Variants in PACS2 observed in about 807,000 individuals in gnomAD.
PACS2 encodes phosphofurin acidic cluster sorting protein 2.
PACS2 carries 36 observed loss-of-function variants against 113.0 expected under a neutral mutation model. The ratio of observed to expected loss-of-function variants is 0.32; its 90% CI spans 0.24 to 0.42. PACS2 has a LOEUF of 0.42. PACS2 is among the 10% of genes least tolerant of loss of function. The probability of loss-of-function intolerance (pLI) is 1.00; values close to 1 mark genes in which losing one functional copy is unlikely to be tolerated. For synonymous variants in PACS2, 589 were observed against 536.1 expected, an observed-to-expected ratio of 1.10 and a Z score of -1.36; for missense variants, 1,015 against 1,239.5, an observed-to-expected ratio of 0.82 and a Z score of 2.72.
Position 105,328,959 on chromosome 14 carries a change from C to T in PACS2, c.119+13922C>T, listed in dbSNP as rs145253660. ...CAATTGTAATTCGGAGCTGCACAGT[C>T]GGAAAATTTGTAGCAACAGAGAATT... is the stretch of plus-strand genomic sequence containing the variant. On this transcript the variant is annotated intron_variant, in intron 1 of 24. Transcript: ENST00000447393. 2.4e-3 allele frequency among the ~76,000 whole-genome samples: 359 copies of T among 152,264 alleles called. 2 individuals carry two copies. The highest frequency in any genetic ancestry group is 8.3e-3 in the African/African-American group (343 of 41,548).
chr14:105,326,758 T>G (rs1441716080), intron 1 of PACS2, among the ~76,000 whole-genome samples: 1 of 152,196 alleles, frequency 6.6e-6, no homozygotes, highest in Non-Finnish European at 1.5e-5. Flanking sequence ...TGGGCTCTCC[T>G]GGCCTGAGCG....
At position 105,382,035 on chromosome 14, in the gene PACS2, AGCCAGC is replaced by A; in HGVS notation, c.1391_1396del (p.Ser464_Leu466delinsIle). The A allele has an allele frequency of 6.5e-7, 1 of 1,548,884 alleles. No individual in the cohort carries two copies. Among genetic ancestry groups the A allele is most frequent in the East Asian group, 2.4e-5 (1 of 41,036 alleles). ...CAACGAGCGCTGCCCGGACGCCCGG[AGCCAGC>A]TACAGGTGCAGCTGCAGGTGGGGGT... On this transcript the variant is annotated inframe_deletion, in exon 13 of 25. Coordinates refer to ENST00000447393, the MANE Select transcript of PACS2 (RefSeq NM_001100913.3).
chr14:105,342,988 C>T (rs1406853639), intron 1 of PACS2, among the ~76,000 whole-genome samples: 3 of 151,440 alleles, frequency 2.0e-5, no homozygotes, highest in Non-Finnish European at 4.4e-5. Context: ...CCCCTCACAC[C>T]TTTTTTCGTA....
At chr14:105,320,969 G>A (rs1160985698) in intron 1 of PACS2, among the ~76,000 whole-genome samples, 1 of 152,160 alleles carries the variant, frequency 6.6e-6, no homozygotes, top group Non-Finnish European at 1.5e-5. Context: ...CCTGGGCAAC[G>A]TAGTGAAATC....
At chr14:105,371,386 C>A (rs2061148208) in intron 8 of PACS2, 1 of 152,220 alleles carries the variant, frequency 6.6e-6, no homozygotes, top group Non-Finnish European at 1.5e-5. Context: ...TCCCAGAATG[C>A]ATTTCACTTA....
chr14:105,351,799 C>G (rs967317829), intron 2 of PACS2, among the ~76,000 whole-genome samples: 6 of 151,984 alleles, frequency 3.9e-5, no homozygotes, highest in Non-Finnish European at 8.8e-5. Context: ...GAGTTGAGAT[C>G]GAGCCACTGC....
chr14:105,368,130 G>A lies in PACS2; in HGVS notation c.643G>A (p.Asp215Asn), dbSNP rs782729940. The A allele has an allele frequency of 1.9e-6, 3 of 1,609,718 alleles. No homozygotes were observed. Among genetic ancestry groups the A allele is most frequent in the South Asian group, 2.2e-5 (2 of 91,042 alleles). The change falls in exon 6 of 25, where the codon GAC becomes AAC. Residue 215 changes from aspartate (D) to asparagine (N), a missense_variant. Physicochemically the swap from Asp to Asn is conservative, Grantham distance 23. Transcript: ENST00000447393. ...CTCCTCCGAGCAGGAGGCCAGTGAC[G>A]ACGCCGTGCAGGGGCAGGTGACCTG... ...SFSSEQEASD[D>N]AVQGQDLDED...
chr14:105,380,323 G>A (rs921049055), intron 11 of PACS2, among the ~76,000 whole-genome samples, 169 bp downstream of exon 11: 1 of 152,200 alleles, frequency 6.6e-6, no homozygotes, highest in African/African-American at 2.4e-5. Flanking sequence ...GATGGTCAGA[G>A]TATCCCAAAA....
At chr14:105,341,602 CT>C (rs1201168861) in intron 1 of PACS2, among the ~76,000 whole-genome samples, 1 of 152,208 alleles carries the variant, frequency 6.6e-6, no homozygotes, top group African/African-American at 2.4e-5. Flanking sequence ...CTGGGCAAAC[CT>C]TTAGGCCTCG....
intron 1 of PACS2, among the ~76,000 whole-genome samples, chr14:105,338,653 T>G (rs587635944): frequency 6.6e-6 from 1 of 152,282 alleles, no homozygotes; most frequent in Admixed American, 6.5e-5. Context: ...CAGGGCCAGG[T>G]GTCCATCCAC....
rs2141251699 is a variant in PACS2, at chr14:105,383,509, A to G, written c.1776A>G (p.Pro592=). 1 of 1,591,448 alleles carries G rather than the reference A, an allele frequency of 6.3e-7. No homozygotes were observed. The highest frequency in any genetic ancestry group is 8.6e-7 in the Non-Finnish European group (1 of 1,169,064). Residue 592 remains proline (P), a synonymous_variant, in exon 16 of 25, where the codon CCA becomes CCG. Transcript: ENST00000447393. Reference sequence around the variant, plus strand: ...GCTACATGCGCTTCCTGGTCATCCCACTGGGTGAGCACCACGCCGTCCACC... The same window carrying G: ...GCTACATGCGCTTCCTGGTCATCCCGCTGGGTGAGCACCACGCCGTCCACC... The part of the protein sequence containing the change: ...WLGYMRFLVI[P]LGSHPVARYL...
At chr14:105,391,468 A>C (rs2081353233) in intron 21 of PACS2, 163 bp from the exon 22 acceptor site, 1 of 706,596 alleles carries the variant, frequency 1.4e-6, no homozygotes, top group Non-Finnish European at 2.3e-6. Flanking sequence ...CCAAAAACCG[A>C]GGAGAATCCG....
At chr14:105,304,323 T>A (rs1566882420) in intron 1 of PACS2, among the ~76,000 whole-genome samples, 1 of 151,928 alleles carries the variant, frequency 6.6e-6, no homozygotes, top group Non-Finnish European at 1.5e-5. Flanking sequence ...AACCCATCTT[T>A]CCAAAAAATA....
intron 1 of PACS2, among the ~76,000 whole-genome samples, chr14:105,302,344 C>T (rs1260208808): frequency 6.6e-6 from 1 of 151,316 alleles, no homozygotes; most frequent in Admixed American, 6.6e-5. Context: ...GCTGGGATTA[C>T]AGGTATGCAC....
In PACS2 at chr14:105,332,304, C is replaced by T. The variant is rs150495451; in HGVS notation, c.120-16189C>T. Among the ~76,000 whole-genome samples the T allele has an allele frequency of 6.7e-4, 102 of 152,334 alleles. No homozygotes were observed. In the East Asian group the frequency reaches 0.019, roughly 28 times the overall value. On this transcript the variant is annotated intron_variant, in intron 1 of 24. Coordinates refer to ENST00000447393, the MANE Select transcript of PACS2 (RefSeq NM_001100913.3). ...GGCGCTGGGAAGCACAGTGGTCCTC[C>T]CCTCTGTGGGCTGTGTTGAGAAATG...
chr14:105,378,875 ATGGGTGGCCTGGATCAGCCTGGATCAGCC>A (rs1188625356), intron 9 of PACS2, among the ~76,000 whole-genome samples: 2 of 152,128 alleles, frequency 1.3e-5, no homozygotes, highest in African/African-American at 4.8e-5. Context: ...CTGGAAAGGC[ATGGGTGGCCTGGATCAGCCTGGATCAGCC>A]TGGGTGGTCT....
chr14:105,382,968 A>C (rs1595156376), intron 15 of PACS2, 55 bp downstream of exon 15: 1 of 1,041,198 alleles, frequency 9.6e-7, no homozygotes, highest in Non-Finnish European at 1.5e-6. Context: ...GGGTCCCTGC[A>C]CCCCCACCTC....
chr14:105,379,806 A>G lies in PACS2; in HGVS notation c.1027A>G (p.Ser343Gly). 1 of 1,613,592 alleles carries G rather than the reference A, an allele frequency of 6.2e-7. No individual in the cohort carries two copies. Among genetic ancestry groups the G allele is most frequent in the Non-Finnish European group, 8.5e-7 (1 of 1,179,972 alleles). Residue 343 changes from serine (S) to glycine (G), a missense_variant, in exon 10 of 25, where the codon AGC becomes GGC. Coordinates refer to ENST00000447393, the MANE Select transcript of PACS2 (RefSeq NM_001100913.3). ...TEIGSIHSAR[S>G]HKEPPSPADV... is the part of the protein sequence containing the mutation. ...GATTGGGAGCATCCACAGCGCCCGC[A>G]GCCACAAGGAGCCCCCAAGCCCGGT...
chr14:105,392,830 G>A lies in PACS2; in HGVS notation c.2467G>A (p.Glu823Lys). Residue 823 changes from glutamate (E) to lysine (K), a missense_variant, in exon 23 of 25, where the codon GAG (glutamate) becomes AAG (lysine). Coordinates refer to ENST00000447393, the MANE Select transcript of PACS2 (RefSeq NM_001100913.3). ...PTMSMTVVTKEKNKKVMFLPK... is the reference protein window; with the variant it reads ...PTMSMTVVTKKKNKKVMFLPK... ...CATGTCCATGACCGTGGTCACCAAG[G>A]AGAAGAACAAGAAGGGTGAGGTGGG... 6.2e-7 allele frequency: 1 copy of A among 1,603,956 alleles called. No individual in the cohort carries two copies. Among genetic ancestry groups the A allele is most frequent in the Non-Finnish European group, 8.5e-7 (1 of 1,179,394 alleles).
Sources: allele counts gnomAD v4.1 joint callset (sites outside exome capture counted in the v4.1 genomes callset), GRCh38; gene constraint gnomAD v4.1.1; transcripts MANE v1.5; gene names NCBI Gene and HGNC (gene_info 2026-07-23, HGNC 2026-07-21).